The following TSG101 variants were observed in gnomAD, a reference collection of about 807,000 sequenced individuals.
The protein encoded by TSG101 is tumor susceptibility gene 101 protein.
Under a neutral mutation model 48.5 loss-of-function variants are expected in TSG101, and 19 were observed. The observed-to-expected ratio is 0.39, with a 90% CI of 0.27 to 0.58. The LOEUF (loss-of-function observed/expected upper bound fraction) is 0.58, where lower values mean the gene tolerates loss of function less well. TSG101 is among the 20% of genes least tolerant of loss of function. The pLI is 0.55. For synonymous variants in TSG101, 174 were observed against 169.4 expected, an observed-to-expected ratio of 1.03 and a Z score of -0.21; for missense variants, 365 against 484.4, an observed-to-expected ratio of 0.75 and a Z score of 2.31.
intron 7 of TSG101, among the ~76,000 whole-genome samples, chr11:18,499,357 TA>T (rs1190987687): frequency 7.0e-5 from 7 of 100,404 alleles, no homozygotes; most frequent in Admixed American, 1.5e-4. Flanking sequence ...TATATATGTT[TA>T]TATATAAATA....
chr11:18,507,245 C>T (rs4298881), intron 5 of TSG101, among the ~76,000 whole-genome samples: 55,887 of 152,082 alleles, frequency 0.37, 10,825 homozygotes, highest in East Asian at 0.66. Context: ...TGGCCTTCTT[C>T]GGTCCAAGGT....
At chr11:18,521,365 T>TTC (rs1190664783) in intron 1 of TSG101, among the ~76,000 whole-genome samples, 1 of 133,760 alleles carries the variant, frequency 7.5e-6, no homozygotes, top group Admixed American at 7.4e-5. Flanking sequence ...ATTCCTTTTT[T>TTC]TTTTTTTTTT....
intron 7 of TSG101, among the ~76,000 whole-genome samples, chr11:18,488,166 C>G (rs1187819914): frequency 1.3e-5 from 2 of 152,196 alleles, no homozygotes; most frequent in Non-Finnish European, 2.9e-5. Context: ...AGGCTTAGCT[C>G]CACATTCACT....
In TSG101 at chr11:18,480,750, A is replaced by G. The variant is rs1849519722; in HGVS notation, c.1084-115T>C. 4.6e-6 allele frequency: 4 copies of G among 869,860 alleles called. No homozygotes were observed. In the South Asian group the frequency reaches 4.9e-5, roughly 11 times the overall value. The allele number at this position is 869,860 out of a possible 1,614,324, so 53.9% of individuals were successfully genotyped here. On this transcript the variant is annotated intron_variant, in intron 9 of 9. Transcript: ENST00000251968. The stretch of plus-strand genomic sequence containing the variant: ...AAGAACCCTAACTCATGACCTGCCA[A>G]CCTTTGGAATGAATACCTCATTATA...
chr11:18,492,010 A>C (rs1050888388), intron 7 of TSG101, among the ~76,000 whole-genome samples: 1 of 152,348 alleles, frequency 6.6e-6, no homozygotes, highest in South Asian at 2.1e-4. Context: ...ACTGTACTTA[A>C]AAAGTCCTTT....
chr11:18,507,014 A>C (rs1370835488), intron 5 of TSG101, 91 bp from the exon 6 acceptor site: 6 of 982,392 alleles, frequency 6.1e-6, no homozygotes, highest in Admixed American at 4.8e-5. Flanking sequence ...CTGTCAATAC[A>C]CAGCAAAATT....
chr11:18,482,860 A>G (rs758769890), intron 8 of TSG101, among the ~76,000 whole-genome samples: 32 of 152,202 alleles, frequency 2.1e-4, no homozygotes, highest in Non-Finnish European at 1.9e-4. Context: ...AGAACTCTCT[A>G]AACTTATTTC....
At chr11:18,494,526 AATTTCTGTTATCATT>A (rs1374024322) in intron 7 of TSG101, among the ~76,000 whole-genome samples, 11 of 152,222 alleles carry the variant, frequency 7.2e-5, no homozygotes, top group African/African-American at 9.7e-5. Flanking sequence ...TATTGCTTTG[AATTTCTGTTATCATT>A]ATTTCTGTTA....
At chr11:18,523,934 G>A (rs1458422394) in intron 1 of TSG101, among the ~76,000 whole-genome samples, 4 of 152,302 alleles carry the variant, frequency 2.6e-5, no homozygotes, top group South Asian at 2.1e-4. Flanking sequence ...AGGACTACAG[G>A]TGCAAGCCAC....
intron 4 of TSG101, among the ~76,000 whole-genome samples, chr11:18,510,803 T>C (rs75901341): frequency 4.1e-4 from 63 of 152,150 alleles, no homozygotes; most frequent in African/African-American, 1.4e-3. Context: ...GCGCCTGTGG[T>C]CACAACTACT....
At chr11:18,490,980 G>A (rs895504475) in intron 7 of TSG101, 5 of 239,488 alleles carry the variant, frequency 2.1e-5, no homozygotes, top group Admixed American at 4.9e-5. Context: ...GGCTGCAGGG[G>A]ACGAGGATGC....
intron 1 of TSG101, among the ~76,000 whole-genome samples, chr11:18,522,050 C>A (rs1414262993): frequency 1.3e-5 from 2 of 152,142 alleles, no homozygotes; most frequent in African/African-American, 4.8e-5. Flanking sequence ...TGTGCCTGTG[C>A]CTTCTCAGTC....
intron 4 of TSG101, among the ~76,000 whole-genome samples, chr11:18,513,483 G>A (rs562276394): frequency 6.9e-4 from 104 of 151,806 alleles, no homozygotes; most frequent in African/African-American, 2.4e-3. Context: ...TTTTTTTATA[G>A]AGATGGGGTT....
At chr11:18,502,191 A>G (rs1849899782) in intron 7 of TSG101, among the ~76,000 whole-genome samples, 1 of 152,240 alleles carries the variant, frequency 6.6e-6, no homozygotes, top group Admixed American at 6.5e-5. Flanking sequence ...TTCACATATA[A>G]CCAAGCTAGG....
intron 7 of TSG101, chr11:18,491,032 A>G (rs1849693087): frequency 5.5e-6 from 1 of 180,660 alleles, no homozygotes; most frequent in South Asian, 1.6e-4. Flanking sequence ...TTCTTTCCCA[A>G]GCCCACTCCT....
At chr11:18,505,449 TCTA>T (rs1166289191) in intron 6 of TSG101, among the ~76,000 whole-genome samples, 3 of 151,910 alleles carry the variant, frequency 2.0e-5, no homozygotes, top group African/African-American at 7.3e-5. Context: ...AGAAATGAGG[TCTA>T]CTATGTTGCC....
chr11:18,524,072 A>G (rs1850325415), intron 1 of TSG101, among the ~76,000 whole-genome samples: 2 of 152,206 alleles, frequency 1.3e-5, no homozygotes, highest in Admixed American at 1.3e-4. Context: ...GATTACAGGC[A>G]TGAGCCACCA....
At chr11:18,496,977 G>A (rs977092567) in intron 7 of TSG101, among the ~76,000 whole-genome samples, 5 of 152,014 alleles carry the variant, frequency 3.3e-5, no homozygotes, top group African/African-American at 1.2e-4. Flanking sequence ...TCTAATCCCA[G>A]CTACTTGGGA....
chr11:18,490,963 G>A (rs1388936352), intron 7 of TSG101: 1 of 283,458 alleles, frequency 3.5e-6, no homozygotes, highest in Non-Finnish European at 7.2e-6. Flanking sequence ...AGTCGTTCCC[G>A]TGGGAGGGCT....
Sources: allele counts gnomAD v4.1 joint callset (sites outside exome capture counted in the v4.1 genomes callset), GRCh38; gene constraint gnomAD v4.1.1; transcripts MANE v1.5; gene names NCBI Gene and HGNC (gene_info 2026-07-23, HGNC 2026-07-21).